Variants in LYST observed in about 807,000 individuals in gnomAD.
LYST encodes lysosomal-trafficking regulator.
In LYST, 192 loss-of-function variants were observed where a neutral mutation model predicts 413.6. That is an observed-to-expected ratio of 0.46 (90% CI 0.41 to 0.52). The LOEUF is 0.52. LYST is among the 20% of genes least tolerant of loss of function. The pLI is 0.00. For missense variants in LYST, 3,815 were observed against 4,499.9 expected, an observed-to-expected ratio of 0.85 and a Z score of 4.35; for synonymous variants, 1,525 against 1,567.3, an observed-to-expected ratio of 0.97 and a Z score of 0.64.
At chr1:235,687,690 C>A (rs1035378252) in intron 47 of LYST, among the ~76,000 whole-genome samples, 4 of 152,110 alleles carry the variant, frequency 2.6e-5, no homozygotes, top group African/African-American at 9.7e-5. Context: ...TCCGCAGCAA[C>A]TGTCCCCAAC....
At position 235,830,334 on chromosome 1, in the gene LYST, C is replaced by T; in HGVS notation, c.84G>A (p.Glu28=). The change falls in exon 3 of 53, where the codon GAG becomes GAA. Residue 28 remains glutamate, a synonymous_variant. Coordinates refer to ENST00000389793, the MANE Select transcript of LYST (RefSeq NM_000081.4). ...RLCNAVVQRV[E]AREEEEEETH... is the part of the protein sequence containing the mutation. ...TCTCCTCCTCTTCTTCCTCCCTGGC[C>T]TCCACCCTCTGGACCACTGCATTGC... is the stretch of plus-strand genomic sequence containing the variant. 1 of 1,613,878 alleles carries T rather than the reference C, an allele frequency of 6.2e-7. No homozygotes were observed. Among genetic ancestry groups the T allele is most frequent in the Non-Finnish European group, 8.5e-7 (1 of 1,179,884 alleles).
intron 19 of LYST, among the ~76,000 whole-genome samples, chr1:235,771,516 T>C (rs1052104012): frequency 2.0e-5 from 3 of 152,190 alleles, no homozygotes; most frequent in Admixed American, 6.5e-5. Context: ...ATACTGCTTT[T>C]GATCCAATTT....
At chr1:235,668,014 A>T (rs1451170102) in intron 50 of LYST, among the ~76,000 whole-genome samples, 2 of 152,126 alleles carry the variant, frequency 1.3e-5, no homozygotes, top group African/African-American at 4.8e-5. Flanking sequence ...CAAATACAAT[A>T]TAAGTGCTAT....
chr1:235,802,781 G>T (rs890145157), intron 8 of LYST, 127 bp downstream of exon 8: 25 of 831,778 alleles, frequency 3.0e-5, no homozygotes, highest in Non-Finnish European at 4.7e-5. Context: ...TCAATAAAAA[G>T]ATTATGCAAC....
intron 40 of LYST, among the ~76,000 whole-genome samples, chr1:235,719,617 T>C (rs1251423579): frequency 3.5e-5 from 4 of 115,618 alleles, no homozygotes; most frequent in African/African-American, 1.1e-4. Context: ...CTCTCAACCA[T>C]GCAGAATGAT....
At chr1:235,868,470 C>G (rs1680760896), upstream of LYST, among the ~76,000 whole-genome samples, 1 of 152,088 alleles carries the variant, frequency 6.6e-6, no homozygotes, top group Non-Finnish European at 1.5e-5. Flanking sequence ...AAAAACACCC[C>G]CCTTTTTTAA....
chr1:235,853,058 T>C (rs1427677321), intron 1 of LYST: 1 of 170,442 alleles, frequency 5.9e-6, no homozygotes, highest in Non-Finnish European at 1.5e-5. Context: ...TAATTACAGC[T>C]GTACTTAGTG....
Position 235,809,863 on chromosome 1 carries a change from G to C in LYST, c.955C>G (p.Pro319Ala). The change falls in exon 5 of 53, where the codon CCG becomes GCG. Residue 319 changes from proline to alanine, a missense_variant. Physicochemically the swap from Pro to Ala is conservative, Grantham distance 27. Coordinates refer to ENST00000389793, the MANE Select transcript of LYST (RefSeq NM_000081.4). This position sits in a 1 kb window ranked among gnomAD's most constrained non-coding sequence, Gnocchi z 4.0. ...AGCATCCTTTGAATCAAAGCCACCG[G>C]TTCTTCGGTCCAACCTGCAGAAACT... ...RVVSAGWTEE[P>A]VALIQRMLFR... The C allele has an allele frequency of 6.2e-7, 1 of 1,613,946 alleles. No homozygotes were observed. The highest frequency in any genetic ancestry group is 8.5e-7 in the Non-Finnish European group (1 of 1,179,984).
At chr1:235,663,130 T>C in intron 52 of LYST, 52 bp from the exon 53 acceptor site, 2 of 1,263,862 alleles carry the variant, frequency 1.6e-6, no homozygotes, top group Non-Finnish European at 2.3e-6. Context: ...TAAAAGTGTA[T>C]TAGCATATTG....
chr1:235,843,699 C>T (rs186743134), intron 1 of LYST, among the ~76,000 whole-genome samples: 3 of 151,910 alleles, frequency 2.0e-5, no homozygotes, highest in Admixed American at 2.0e-4. Flanking sequence ...AATAGGAAGT[C>T]CCTGTATTTT....
intron 1 of LYST, among the ~76,000 whole-genome samples, chr1:235,872,401 G>A (rs570058298): frequency 6.6e-6 from 1 of 151,626 alleles, no homozygotes; most frequent in African/African-American, 2.4e-5. Flanking sequence ...TAGATTCAAT[G>A]AAGAATGGAC....
intron 1 of LYST, among the ~76,000 whole-genome samples, chr1:235,834,275 C>G (rs1359883221): frequency 6.6e-6 from 1 of 152,068 alleles, no homozygotes; most frequent in African/African-American, 2.4e-5. Flanking sequence ...CTTTAGTTAC[C>G]TGCTCTCCCC....
At chr1:235,666,878 C>T (rs978893632) in intron 50 of LYST, among the ~76,000 whole-genome samples, 1 of 152,052 alleles carries the variant, frequency 6.6e-6, no homozygotes, top group Non-Finnish European at 1.5e-5. Flanking sequence ...GGAAACATAG[C>T]CATAAAAGAT....
chr1:235,714,269 C>T (rs2103132362), intron 42 of LYST, among the ~76,000 whole-genome samples: 1 of 152,208 alleles, frequency 6.6e-6, no homozygotes, highest in South Asian at 2.1e-4. Flanking sequence ...GGGATAGGAC[C>T]ATGCATCCAG....
At chr1:235,849,160 T>G (rs1422398759) in intron 1 of LYST, among the ~76,000 whole-genome samples, 2 of 152,160 alleles carry the variant, frequency 1.3e-5, no homozygotes, top group Non-Finnish European at 2.9e-5. Context: ...GTCAAAAAGA[T>G]AATCCACCAT....
Position 235,664,686 on chromosome 1 carries a change from C to T in LYST, c.11039-65G>A. The stretch of plus-strand genomic sequence containing the variant: ...GCTGTCTCAGAGCCCACATTTGGCC[C>T]CAGAAGGGCAACCCTGAAGGGCAAG... On this transcript the variant is annotated intron_variant, in intron 50 of 52. Coordinates refer to ENST00000389793, the MANE Select transcript of LYST (RefSeq NM_000081.4). The surrounding 1 kb of genome is among the most constrained non-coding windows in gnomAD (Gnocchi z 4.5). 4.6e-6 allele frequency: 7 copies of T among 1,520,042 alleles called. No individual in the cohort carries two copies. In the Admixed American group the frequency reaches 1.0e-4, roughly 22 times the overall value. The allele number at this position is 1,520,042 out of a possible 1,614,324, so 94.2% of individuals were successfully genotyped here.
intron 22 of LYST, 34 bp downstream of exon 22, chr1:235,762,686 G>T: frequency 6.3e-7 from 1 of 1,599,194 alleles, no homozygotes. Flanking sequence ...GAACTAAAAT[G>T]AGAAGGTCAT....
At chr1:235,813,267 G>T (rs1401356681) in intron 3 of LYST, among the ~76,000 whole-genome samples, 1 of 152,172 alleles carries the variant, frequency 6.6e-6, no homozygotes, top group Non-Finnish European at 1.5e-5. Flanking sequence ...AAGAATCTAA[G>T]AGTATTTGAC....
intron 8 of LYST, among the ~76,000 whole-genome samples, chr1:235,802,220 A>AC (rs1672324093): frequency 6.8e-6 from 1 of 147,388 alleles, no homozygotes; most frequent in African/African-American, 2.6e-5. Flanking sequence ...AAAAAAAAAA[A>AC]CTAGCAGTAC....
Sources: gnomAD v4.1 joint callset for allele counts (sites outside exome capture counted in the v4.1 genomes callset) on GRCh38, gnomAD v4.1.1 for gene constraint, Gnocchi (gnomAD v3.1) non-coding constraint, MANE v1.5 for transcripts, NCBI Gene and HGNC (gene_info 2026-07-23, HGNC 2026-07-21) for gene names.